The following VEZT variants were observed in gnomAD, a reference collection of about 807,000 sequenced individuals.
VEZT encodes the protein vezatin, adherens junctions transmembrane protein, also known as vezatin.
In VEZT, 39 loss-of-function variants were observed where a neutral mutation model predicts 79.9. That is an observed-to-expected ratio of 0.49 (90% CI 0.38 to 0.64). The LOEUF is 0.64. Among genes scored for constraint, VEZT ranks in the 30% least tolerant of loss-of-function variants. The pLI is 0.00. For synonymous variants in VEZT, 325 were observed against 327.6 expected, an observed-to-expected ratio of 0.99 and a Z score of 0.09; for missense variants, 837 against 893.1, an observed-to-expected ratio of 0.94 and a Z score of 0.80.
Position 95,300,721 on chromosome 12 carries a change from G to A in VEZT, c.*48G>A, listed in dbSNP as rs776048162. 6.7e-7 allele frequency: 1 copy of A among 1,495,046 alleles called. No homozygotes were observed. The allele number at this position is 1,495,046 out of a possible 1,614,324, so 92.6% of individuals were successfully genotyped here. ...ATATTAGATTGTTCCTTTTACAAAA[G>A]TGTTTAGCTTCAAGACTGGAAAGGG... On this transcript the variant is annotated 3_prime_UTR_variant, in exon 12 of 12. Coordinates refer to ENST00000436874, the MANE Select transcript of VEZT (RefSeq NM_017599.4).
chr12:95,280,085 A>G (rs967117885), intron 7 of VEZT, among the ~76,000 whole-genome samples: 6 of 152,252 alleles, frequency 3.9e-5, no homozygotes, highest in Admixed American at 3.3e-4. Flanking sequence ...GGTCTCATTA[A>G]TGCTTACCTG....
At chr12:95,234,857 C>T in intron 1 of VEZT, among the ~76,000 whole-genome samples, 1 of 152,084 alleles carries the variant, frequency 6.6e-6, no homozygotes, top group Non-Finnish European at 1.5e-5. Flanking sequence ...GTGGTAATGA[C>T]TCTTAAGGAG....
intron 1 of VEZT, among the ~76,000 whole-genome samples, chr12:95,241,165 T>C (rs1056333759): frequency 2.0e-5 from 3 of 152,146 alleles, no homozygotes; most frequent in African/African-American, 7.2e-5. Context: ...CCCAAGTAGT[T>C]GGGACTACAG....
At chr12:95,254,821 A>G (rs547547510) in intron 2 of VEZT, among the ~76,000 whole-genome samples, 3 of 152,322 alleles carry the variant, frequency 2.0e-5, no homozygotes, top group South Asian at 4.1e-4. Context: ...CATCCTTAGC[A>G]TTAATTGCTC....
intron 4 of VEZT, among the ~76,000 whole-genome samples, chr12:95,264,535 C>G (rs2065130796): frequency 6.6e-6 from 1 of 152,038 alleles, no homozygotes; most frequent in Non-Finnish European, 1.5e-5. Context: ...CTCCTAGACT[C>G]AAGTGATCCT....
intron 2 of VEZT, among the ~76,000 whole-genome samples, chr12:95,255,922 A>T (rs1027154931): frequency 6.6e-6 from 1 of 152,090 alleles, no homozygotes; most frequent in Non-Finnish European, 1.5e-5. Context: ...AACCTATCTC[A>T]GTGTACCTTT....
chr12:95,243,887 G>A (rs2061371097), intron 1 of VEZT: 1 of 449,058 alleles, frequency 2.2e-6, no homozygotes, highest in Admixed American at 2.4e-5. Context: ...CTTAGGGCTT[G>A]GCCCCTTTGC....
rs1192730255 is a variant in VEZT at position 95,302,431 on chromosome 12, T to C, written c.*1758T>C. On this transcript the variant is annotated 3_prime_UTR_variant, in exon 12 of 12. Coordinates refer to ENST00000436874, the MANE Select transcript of VEZT (RefSeq NM_017599.4). ...GAGAATTTCCAGTCTTTCAGTCTGA[T>C]CTATTTAATTCACTACTTGTTACAT... 1.3e-5 allele frequency: 2 copies of C among 152,188 alleles called. No homozygotes were observed. The highest frequency in any genetic ancestry group is 4.1e-4 in the South Asian group (2 of 4,830). 9.4% of individuals were successfully genotyped at this position (152,188 alleles called of 1,614,324 possible).
chr12:95,277,885 T>G (rs1387466019), intron 7 of VEZT, among the ~76,000 whole-genome samples: 1 of 152,260 alleles, frequency 6.6e-6, no homozygotes, highest in Non-Finnish European at 1.5e-5. Context: ...CATTTCCTTT[T>G]AAATTACTTT....
At chr12:95,234,379 G>A (rs1353337250) in intron 1 of VEZT, among the ~76,000 whole-genome samples, 1 of 149,598 alleles carries the variant, frequency 6.7e-6, no homozygotes, top group Admixed American at 6.7e-5. Context: ...CCTCCCCGCC[G>A]GCCGGGTTCA....
At position 95,296,231 on chromosome 12, in the gene VEZT, T is replaced by C; in HGVS notation, c.1804T>C (p.Trp602Arg). Residue 602 changes from tryptophan (W) to arginine (R), a missense_variant, in exon 11 of 12, where the codon TGG (tryptophan) becomes CGG (arginine). Coordinates refer to ENST00000436874, the MANE Select transcript of VEZT (RefSeq NM_017599.4). ...AGCTTCAGAGGCAGAAAGGCAGAAG[T>C]GGAAGCAACTTCTATTTAGTGATCA... ...FKASEAERQKWKQLLFSDHAV... is the reference protein window; with the variant it reads ...FKASEAERQKRKQLLFSDHAV... 6.3e-7 allele frequency: 1 copy of C among 1,585,868 alleles called. No homozygotes were observed. Among genetic ancestry groups the C allele is most frequent in the Non-Finnish European group, 8.6e-7 (1 of 1,165,130 alleles).
Position 95,266,451 on chromosome 12 carries a change from T to C in VEZT, c.529T>C (p.Phe177Leu), listed in dbSNP as rs2065558323. ...CTGGCTGGTATGGGGAGTGATTCTA[T>C]TTGTGTATCTGGTCATAAGAGCTTT... is the stretch of plus-strand genomic sequence containing the variant. ...SSWLVWGVIL[F>L]VYLVIRALRL... Residue 177 changes from phenylalanine to leucine, a missense_variant, in exon 5 of 12, where the codon TTT (phenylalanine) becomes CTT (leucine). Transcript: ENST00000436874. 6.2e-7 allele frequency: 1 copy of C among 1,613,942 alleles called. No individual in the cohort carries two copies. Among genetic ancestry groups the C allele is most frequent in the African/African-American group, 1.3e-5 (1 of 75,032 alleles).
chr12:95,285,511 C>T (rs1278772661), intron 8 of VEZT, among the ~76,000 whole-genome samples: 7 of 151,960 alleles, frequency 4.6e-5, no homozygotes, highest in South Asian at 2.1e-4. Flanking sequence ...CAAATTTTAT[C>T]CATCCTTCAA....
intron 6 of VEZT, 89 bp downstream of exon 6, chr12:95,270,277 G>C (rs1391887918): frequency 9.0e-6 from 12 of 1,340,382 alleles, no homozygotes; most frequent in Non-Finnish European, 1.2e-5. Flanking sequence ...AAAGTTTACT[G>C]TAAAGTGAGA....
Position 95,262,970 on chromosome 12 carries a change from A to C in VEZT, c.323A>C (p.Asp108Ala). 6.2e-7 allele frequency: 1 copy of C among 1,613,286 alleles called. No individual in the cohort carries two copies. Among genetic ancestry groups the C allele is most frequent in the Non-Finnish European group, 8.5e-7 (1 of 1,179,338 alleles). Residue 108 changes from aspartate (D) to alanine (A), a missense_variant, in exon 4 of 12, where the codon GAT (aspartate) becomes GCT (alanine). Asp to Ala is a moderately radical substitution (Grantham distance 126). Transcript: ENST00000436874. ...CAACAGGAAGTCCTGTTACAAGAGGATGTGGAGCTGATTGAGCTACTTGAT... is the reference window on the plus strand; with the variant it reads ...CAACAGGAAGTCCTGTTACAAGAGGCTGTGGAGCTGATTGAGCTACTTGAT... Reference protein sequence around the residue: ...ILQQEVLLQEDVELIELLDPS... With the variant: ...ILQQEVLLQEAVELIELLDPS...
intron 1 of VEZT, among the ~76,000 whole-genome samples, chr12:95,239,349 C>G (rs1257694260): frequency 6.6e-6 from 1 of 152,186 alleles, no homozygotes; most frequent in Non-Finnish European, 1.5e-5. Context: ...TAACTAGTGC[C>G]TGACACAGAG....
chr12:95,275,577 CAA>C (rs71078694), intron 7 of VEZT, among the ~76,000 whole-genome samples: 18 of 142,682 alleles, frequency 1.3e-4, no homozygotes, highest in East Asian at 4.1e-4. Flanking sequence ...AACTCCATCT[CAA>C]AAAAAAAAAA....
At position 95,270,080 on chromosome 12, in the gene VEZT, C is replaced by T. The variant is rs774349688; in HGVS notation, c.740C>T (p.Ala247Val). Residue 247 changes from alanine to valine, a missense_variant, in exon 6 of 12, where the codon GCT becomes GTT. Transcript: ENST00000436874. ...AGTGCTGCTTGCCCATTTAATAAAG[C>T]TGGACAGCATCCAAGTCAGCATCTC... The part of the protein sequence containing the change: ...LVSAACPFNK[A>V]GQHPSQHLIG... The T allele has an allele frequency of 3.7e-6, 6 of 1,611,326 alleles. No individual in the cohort carries two copies. The African/African-American group carries it at 5.3e-5, about 14-fold the overall frequency.
At chr12:95,263,252 A>G (rs1377376423) in intron 4 of VEZT, among the ~76,000 whole-genome samples, 171 bp downstream of exon 4, 2 of 152,242 alleles carry the variant, frequency 1.3e-5, no homozygotes, top group Non-Finnish European at 2.9e-5. Context: ...AATACTATTT[A>G]AAGTGAAGCT....
Sources: allele counts gnomAD v4.1 joint callset (sites outside exome capture counted in the v4.1 genomes callset), GRCh38; gene constraint gnomAD v4.1.1; transcripts MANE v1.5; gene names NCBI Gene and HGNC (gene_info 2026-07-23, HGNC 2026-07-21).